The following FBXL2 variants were observed in gnomAD, a reference collection of about 807,000 sequenced individuals.
The protein encoded by FBXL2 is F-box and leucine rich repeat protein 2, also known as F-box/LRR-repeat protein 2.
In FBXL2, 38 loss-of-function variants were observed where a neutral mutation model predicts 69.2. The observed-to-expected ratio is 0.55, with a 90% CI of 0.42 to 0.72. The LOEUF (loss-of-function observed/expected upper bound fraction) is 0.72, where lower values mean the gene tolerates loss of function less well. Ranked by LOEUF, FBXL2 falls within the 30% of genes least tolerant of loss-of-function variation. The pLI, the probability that FBXL2 is intolerant of heterozygous loss-of-function variation, is 0.00. For missense variants in FBXL2, 354 were observed against 520.3 expected, an observed-to-expected ratio of 0.68 and a Z score of 3.11; for synonymous variants, 192 against 201.3, an observed-to-expected ratio of 0.95 and a Z score of 0.39.
intron 13 of FBXL2, 195 bp downstream of exon 13, chr3:33,378,936 G>C: frequency 9.3e-7 from 1 of 1,080,392 alleles, no homozygotes; most frequent in South Asian, 1.8e-5. Context: ...GCAATTTTAA[G>C]ATTCCCAAAA....
rs2036756288 is a variant in FBXL2 at position 33,306,762 on chromosome 3, C to CT, written c.65+9040dup. 2.0e-5 allele frequency among the ~76,000 whole-genome samples: 3 copies of CT among 152,178 alleles called. No individual in the cohort carries two copies. The South Asian group carries it at 6.2e-4, about 32-fold the overall frequency. ...GATTGATTCTACCCCTTTGGTAGGA[C>CT]TTTCTGTGGTGCTGTATTTGTTCAT... On this transcript the variant is annotated intron_variant, in intron 2 of 14. Coordinates refer to ENST00000484457, the MANE Select transcript of FBXL2 (RefSeq NM_012157.5).
chr3:33,392,361 T>C (rs905801921), downstream of FBXL2: 2 of 479,124 alleles, frequency 4.2e-6, no homozygotes, highest in Non-Finnish European at 7.2e-6. Context: ...GATTTTTTTT[T>C]CCAGTCATCT....
At position 33,385,680 on chromosome 3, in the gene FBXL2, T is replaced by C; in HGVS notation, c.*72T>C. On this transcript the variant is annotated 3_prime_UTR_variant, in exon 15 of 15. Transcript: ENST00000484457. ...GAAGACCTGAGTCTTCCTGACCGAC[T>C]CCACCATCACCCAATCTGTTGATTC... The C allele has an allele frequency of 1.7e-6, 2 of 1,186,114 alleles. No individual in the cohort carries two copies. The highest frequency in any genetic ancestry group is 1.8e-5 in the Admixed American group (1 of 56,912). The allele number at this position is 1,186,114 out of a possible 1,614,324, so 73.5% of individuals were successfully genotyped here.
chr3:33,364,575 A>G, intron 4 of FBXL2, 50 bp from the exon 5 acceptor site: 3 of 1,464,592 alleles, frequency 2.0e-6, no homozygotes, highest in Non-Finnish European at 2.9e-6. Context: ...CTGTTAGATA[A>G]GCAGCATGAA....
intron 2 of FBXL2, among the ~76,000 whole-genome samples, chr3:33,302,210 ACT>A (rs1406615543): frequency 1.3e-5 from 2 of 152,134 alleles, no homozygotes; most frequent in African/African-American, 4.8e-5. Flanking sequence ...TTATTAAGTA[ACT>A]CTGTGAAGGC....
chr3:33,293,853 A>C (rs1004501948), intron 1 of FBXL2, among the ~76,000 whole-genome samples: 2 of 152,232 alleles, frequency 1.3e-5, no homozygotes, highest in African/African-American at 2.4e-5. Flanking sequence ...AGTCTTGAAC[A>C]ACACTATAAG....
At chr3:33,394,817 G>GTTTTTTTTTTTTTTTTT (rs76142927) in intron 12 of FBXL2, among the ~76,000 whole-genome samples, 1 of 110,444 alleles carries the variant, frequency 9.1e-6, no homozygotes. Context: ...CCCTCCACTT[G>GTTTTTTTTTTTTTTTTT]TTTTTTTTTT....
At chr3:33,394,661 T>C (rs189765295) in intron 12 of FBXL2, among the ~76,000 whole-genome samples, 5 of 152,198 alleles carry the variant, frequency 3.3e-5, no homozygotes, top group Admixed American at 2.0e-4. Context: ...ACTGAGAACT[T>C]TGCTTCCCCA....
chr3:33,358,556 C>A (rs1000613955), intron 2 of FBXL2, among the ~76,000 whole-genome samples: 2 of 152,174 alleles, frequency 1.3e-5, no homozygotes, highest in African/African-American at 4.8e-5. Context: ...ACAAATACTT[C>A]AAACCAAATG....
At chr3:33,315,550 C>G (rs1288433598) in intron 2 of FBXL2, among the ~76,000 whole-genome samples, 5 of 151,924 alleles carry the variant, frequency 3.3e-5, no homozygotes, top group Admixed American at 2.6e-4. Context: ...GACTGGAACA[C>G]ACTTTGGAGA....
chr3:33,331,664 T>C (rs1305999598), intron 2 of FBXL2, among the ~76,000 whole-genome samples: 6 of 152,210 alleles, frequency 3.9e-5, no homozygotes, highest in Non-Finnish European at 8.8e-5. Flanking sequence ...AAAACAACTT[T>C]ATAGGGACAT....
intron 1 of FBXL2, among the ~76,000 whole-genome samples, chr3:33,283,962 G>A (rs748631484): frequency 3.9e-5 from 6 of 152,102 alleles, no homozygotes; most frequent in Non-Finnish European, 7.3e-5. Flanking sequence ...AGTCTTGCTA[G>A]CAGTCTATCA....
chr3:33,357,389 C>T (rs2041276630), intron 2 of FBXL2, among the ~76,000 whole-genome samples: 1 of 152,146 alleles, frequency 6.6e-6, no homozygotes, highest in African/African-American at 2.4e-5. Context: ...TCATATGTCA[C>T]AGAACACAGC....
intron 2 of FBXL2, among the ~76,000 whole-genome samples, chr3:33,358,006 A>C (rs1027637299): frequency 1.3e-5 from 2 of 151,476 alleles, no homozygotes; most frequent in African/African-American, 2.4e-5. Flanking sequence ...TTATGATTCT[A>C]CTCTTCTTCC....
the FBXL2 span, among the ~76,000 whole-genome samples, chr3:33,417,418 T>C: frequency 6.6e-6 from 1 of 152,148 alleles, no homozygotes; most frequent in African/African-American, 2.4e-5. Context: ...CTTTTTAAAC[T>C]TAGCATAATG....
At chr3:33,380,767 G>C (rs1387021425) in intron 13 of FBXL2, among the ~76,000 whole-genome samples, 1 of 152,092 alleles carries the variant, frequency 6.6e-6, no homozygotes. Flanking sequence ...GAAGACACCT[G>C]CTGATGGCAA....
chr3:33,296,246 A>G (rs1391811970), intron 1 of FBXL2, among the ~76,000 whole-genome samples: 1 of 152,046 alleles, frequency 6.6e-6, no homozygotes, highest in East Asian at 1.9e-4. Flanking sequence ...TTGTACTTTT[A>G]GTAGAGATGG....
chr3:33,404,615 C>G (rs2044366903), downstream of FBXL2, among the ~76,000 whole-genome samples: 1 of 151,788 alleles, frequency 6.6e-6, no homozygotes, highest in Non-Finnish European at 1.5e-5. Context: ...CCACTGCACT[C>G]CAGCTTGGGT....
Position 33,373,307 on chromosome 3 carries a change from A to G in FBXL2, c.407A>G (p.Asp136Gly). ...SRFCSKLKHLDLTSCVSITNS... is the reference protein window; with the variant it reads ...SRFCSKLKHLGLTSCVSITNS... ...TTCTGTTCCAAGCTGAAACATCTGG[A>G]TCTGACCTCCTGTGTGTCTATTACA... Residue 136 changes from aspartate to glycine, a missense_variant, in exon 7 of 15, where the codon GAT becomes GGT. Physicochemically the swap from Asp to Gly is moderately conservative, Grantham distance 94 (BLOSUM62 -1). Coordinates refer to ENST00000484457, the MANE Select transcript of FBXL2 (RefSeq NM_012157.5). 1.9e-6 allele frequency: 3 copies of G among 1,614,152 alleles called. No individual in the cohort carries two copies. Among genetic ancestry groups the G allele is most frequent in the Non-Finnish European group, 2.5e-6 (3 of 1,179,996 alleles).
Sources: gnomAD v4.1 joint callset for allele counts (sites outside exome capture counted in the v4.1 genomes callset) on GRCh38, gnomAD v4.1.1 for gene constraint, MANE v1.5 for transcripts, NCBI Gene and HGNC (gene_info 2026-07-23, HGNC 2026-07-21) for gene names.